Variants in KIAA0825 observed in about 807,000 individuals in gnomAD.
The protein encoded by KIAA0825 is uncharacterized protein KIAA0825.
A neutral mutation model predicts 147.6 loss-of-function variants in KIAA0825; 119 were observed. That is an observed-to-expected ratio of 0.81 (90% CI 0.69 to 0.94). KIAA0825 has a LOEUF of 0.94. Ranked by LOEUF, KIAA0825 falls within the 40% of genes least tolerant of loss-of-function variation. The probability of loss-of-function intolerance (pLI) is 0.00; values close to 1 mark genes in which losing one functional copy is unlikely to be tolerated. For missense variants in KIAA0825, 1,381 were observed against 1,472.7 expected (o/e 0.94, Z 1.02); for synonymous variants, 470 against 518.1 (o/e 0.91, Z 1.26).
chr5:94,219,050 A>T (rs1345228712), intron 20 of KIAA0825, among the ~76,000 whole-genome samples: 1 of 152,128 alleles, frequency 6.6e-6, no homozygotes, highest in East Asian at 1.9e-4. Context: ...TTGGCACTAG[A>T]GACTGGTTTT....
chr5:94,512,573 G>A (rs1188342918), intron 5 of KIAA0825, among the ~76,000 whole-genome samples: 1 of 150,752 alleles, frequency 6.6e-6, no homozygotes, highest in African/African-American at 2.4e-5. Context: ...ACCAGCTTGG[G>A]CAACATAGCA....
At chr5:94,550,767 G>A (rs537436835) in intron 2 of KIAA0825, among the ~76,000 whole-genome samples, 7 of 151,898 alleles carry the variant, frequency 4.6e-5, no homozygotes, top group South Asian at 2.1e-4. Context: ...GCGTGAGCCC[G>A]GGAGGCGGAG....
At chr5:94,294,339 C>T (rs1778040171) in intron 20 of KIAA0825, among the ~76,000 whole-genome samples, 1 of 152,160 alleles carries the variant, frequency 6.6e-6, no homozygotes, top group Non-Finnish European at 1.5e-5. Flanking sequence ...GACAAAATCC[C>T]TCAGCATTTA....
At chr5:94,220,549 TGTGA>T (rs1773588520) in intron 20 of KIAA0825, among the ~76,000 whole-genome samples, 1 of 152,164 alleles carries the variant, frequency 6.6e-6, no homozygotes, top group African/African-American at 2.4e-5. Flanking sequence ...AACACAAACA[TGTGA>T]GTAAGGTGTT....
chr5:94,260,992 C>A (rs1776464545), intron 20 of KIAA0825, among the ~76,000 whole-genome samples: 1 of 152,042 alleles, frequency 6.6e-6, no homozygotes, highest in African/African-American at 2.4e-5. Flanking sequence ...TATTTGATAA[C>A]AGCAAAATTC....
At chr5:94,601,328 G>A (rs528663640) in intron 1 of KIAA0825, among the ~76,000 whole-genome samples, 69 of 152,234 alleles carry the variant, frequency 4.5e-4, no homozygotes, top group African/African-American at 1.5e-3. Context: ...CTGCAGCAGC[G>A]CTATGGGAAA....
intron 20 of KIAA0825, among the ~76,000 whole-genome samples, chr5:94,190,057 G>A (rs2149998046): frequency 6.6e-6 from 1 of 152,002 alleles, no homozygotes; most frequent in East Asian, 1.9e-4. Flanking sequence ...TGAAATTGAA[G>A]TTTAAAAATT....
At chr5:94,277,706 C>T (rs1025177876) in intron 20 of KIAA0825, among the ~76,000 whole-genome samples, 7 of 152,040 alleles carry the variant, frequency 4.6e-5, no homozygotes, top group African/African-American at 9.7e-5. Context: ...GACAATGTGG[C>T]GATTCCTCAA....
intron 5 of KIAA0825, among the ~76,000 whole-genome samples, chr5:94,497,774 A>G (rs1764558876): frequency 6.6e-6 from 1 of 152,034 alleles, no homozygotes; most frequent in East Asian, 1.9e-4. Flanking sequence ...TGCCAGGCCC[A>G]CTCCCACTGT....
intron 20 of KIAA0825, among the ~76,000 whole-genome samples, chr5:94,370,175 A>G (rs1746473914): frequency 6.6e-6 from 1 of 152,208 alleles, no homozygotes; most frequent in Admixed American, 6.5e-5. Flanking sequence ...ATAAAAAAAA[A>G]AGGACAAACA....
At chr5:94,364,784 G>A (rs1472305565) in intron 20 of KIAA0825, among the ~76,000 whole-genome samples, 1 of 152,028 alleles carries the variant, frequency 6.6e-6, no homozygotes, top group Non-Finnish European at 1.5e-5. Context: ...TGAAGTCCTC[G>A]GTAAGGTTTT....
intron 20 of KIAA0825, among the ~76,000 whole-genome samples, chr5:94,164,035 C>G (rs1225467420): frequency 6.6e-6 from 1 of 152,154 alleles, no homozygotes; most frequent in Non-Finnish European, 1.5e-5. Flanking sequence ...ATATGTATCA[C>G]AATGAGTCAC....
rs539792930 is a variant in KIAA0825 at position 94,470,272 on chromosome 5, A to T, written c.1722-161T>A. Among the ~76,000 whole-genome samples, 7 of 152,318 alleles carry T rather than the reference A, an allele frequency of 4.6e-5. No homozygotes were observed. The South Asian group carries it at 8.3e-4, about 18-fold the overall frequency. ...ACATTCACTTTCCAAAAAGGAAAAA[A>T]AAAAATAAAAAAGCTGGTCTTTGTT... is the stretch of plus-strand genomic sequence containing the variant. On this transcript the variant is annotated intron_variant, in intron 9 of 20. Coordinates refer to ENST00000682413, the MANE Select transcript of KIAA0825 (RefSeq NM_001145678.3).
Position 94,569,060 on chromosome 5 carries a change from G to A in KIAA0825, c.-2+13373C>T, listed in dbSNP as rs118089323. The A allele has an allele frequency of 1.5e-3, 260 of 169,980 alleles. 5 individuals are homozygous for A. The East Asian group carries it at 0.026, about 17-fold the overall frequency. 10.5% of individuals were successfully genotyped at this position (169,980 alleles called of 1,614,324 possible). ...GCCCCCGCACCAATAGGATCCTCCC[G>A]AATCAATGCTGGCCCCTCCCCTTCA... On this transcript the variant is annotated intron_variant, in intron 2 of 20. Transcript: ENST00000682413.
chr5:94,512,252 C>CATTT (rs1468985615), intron 5 of KIAA0825, among the ~76,000 whole-genome samples: 1 of 151,644 alleles, frequency 6.6e-6, no homozygotes, highest in East Asian at 1.9e-4. Context: ...TCTTCTTGAA[C>CATTT]ATTTATGAAA....
At chr5:94,555,850 G>C (rs1776434493) in intron 2 of KIAA0825, among the ~76,000 whole-genome samples, 1 of 152,114 alleles carries the variant, frequency 6.6e-6, no homozygotes, top group South Asian at 2.1e-4. Flanking sequence ...TAAAATTGCT[G>C]TATCTGTTGA....
At chr5:94,602,703 T>G (rs76977793) in intron 1 of KIAA0825, among the ~76,000 whole-genome samples, 1,829 of 152,292 alleles carry the variant, frequency 0.012, 34 homozygotes, top group African/African-American at 0.042. Flanking sequence ...CCTTCCATTC[T>G]TCCCTCTCCT....
rs1008515805 is a variant in KIAA0825, at chr5:94,465,204, T to G, written c.1873-145A>C. On this transcript the variant is annotated intron_variant, in intron 10 of 20. Coordinates refer to ENST00000682413, the MANE Select transcript of KIAA0825 (RefSeq NM_001145678.3). Reference sequence around the variant, plus strand: ...AGACCAACAAAGATTTTTGACAAGATGTAAAACATCCTTATTGACAAAGGA... The same window carrying G: ...AGACCAACAAAGATTTTTGACAAGAGGTAAAACATCCTTATTGACAAAGGA... The G allele has an allele frequency of 6.1e-6, 4 of 657,724 alleles. No individual in the cohort carries two copies. In the Admixed American group the frequency reaches 1.2e-4, roughly 20 times the overall value. 40.7% of individuals were successfully genotyped at this position (657,724 alleles called of 1,614,324 possible). A position where few individuals can be genotyped will look rare whatever the true frequency, so the allele number is the denominator to read the frequency against.
chr5:94,224,082 C>CTTTTTTTTTTTTTTTTTTTTT (rs869059424), intron 20 of KIAA0825, among the ~76,000 whole-genome samples: 46 of 56,470 alleles, frequency 8.1e-4, no homozygotes, highest in East Asian at 1.9e-3. Flanking sequence ...TTTTTCTTTT[C>CTTTTTTTTTTTTTTTTTTTTT]TTTTTTTTTT....
Sources: gnomAD v4.1 joint callset for allele counts (sites outside exome capture counted in the v4.1 genomes callset) on GRCh38, gnomAD v4.1.1 for gene constraint, MANE v1.5 for transcripts, NCBI Gene and HGNC (gene_info 2026-07-23, HGNC 2026-07-21) for gene names.